SBF2: variants seen among roughly 807,000 people sequenced by gnomAD.
The protein encoded by SBF2 is SET binding factor 2.
A neutral mutation model predicts 225.2 loss-of-function variants in SBF2; 112 were observed. That is an observed-to-expected ratio of 0.50 (90% CI 0.43 to 0.58). The LOEUF (loss-of-function observed/expected upper bound fraction) is 0.58, where lower values mean the gene tolerates loss of function less well. SBF2 is among the 20% of genes least tolerant of loss of function. The pLI is 0.00. For missense variants in SBF2, 1,996 were observed against 2,206.2 expected, an observed-to-expected ratio of 0.90 and a Z score of 1.91; for synonymous variants, 763 against 773.3, an observed-to-expected ratio of 0.99 and a Z score of 0.22.
At chr11:10,050,111 A>C (rs182571924) in intron 2 of SBF2, among the ~76,000 whole-genome samples, 1 of 152,324 alleles carries the variant, frequency 6.6e-6, no homozygotes, top group East Asian at 1.9e-4. Context: ...TTAGCTAATC[A>C]CTAGGCTTGG....
Position 9,781,604 on chromosome 11 carries a change from C to A in SBF2, c.5354G>T (p.Cys1785Phe), listed in dbSNP as rs776497318. ...RYYDSGEDTS[C>F]KGHIDLAEVE... ...TTCAGCCAGATCAATGTGGCCTTTA[C>A]AGCTTGTGTCCTCACCTGAGTCATA... is the stretch of plus-strand genomic sequence containing the variant. The change falls in exon 39 of 40, where the codon TGT becomes TTT. Residue 1785 changes from cysteine to phenylalanine, a missense_variant. Physicochemically the swap from Cys to Phe is radical, Grantham distance 205. Transcript: ENST00000256190. 1 of 1,614,212 alleles carries A rather than the reference C, an allele frequency of 6.2e-7. No homozygotes were observed. Among genetic ancestry groups the A allele is most frequent in the Admixed American group, 1.7e-5 (1 of 60,032 alleles).
chr11:10,033,355 C>T (rs1371747959), intron 3 of SBF2, among the ~76,000 whole-genome samples: 1 of 151,922 alleles, frequency 6.6e-6, no homozygotes, highest in African/African-American at 2.4e-5. Flanking sequence ...TAACTTTGAC[C>T]AAAACACAAA....
intron 16 of SBF2, among the ~76,000 whole-genome samples, chr11:9,915,096 CAG>C (rs1862962221): frequency 6.6e-6 from 1 of 152,004 alleles, no homozygotes; most frequent in South Asian, 2.1e-4. Context: ...ATGAAATGGC[CAG>C]AGAGACAGAA....
At chr11:10,137,496 A>G (rs1802260048) in intron 2 of SBF2, among the ~76,000 whole-genome samples, 3 of 152,126 alleles carry the variant, frequency 2.0e-5, no homozygotes, top group Non-Finnish European at 4.4e-5. Context: ...AAAGCATTCA[A>G]TTTTTCACCA....
intron 16 of SBF2, among the ~76,000 whole-genome samples, chr11:9,898,465 G>T (rs1861452592): frequency 6.6e-6 from 1 of 152,170 alleles, no homozygotes; most frequent in African/African-American, 2.4e-5. Flanking sequence ...GAGCTCAGGA[G>T]TTCAAGACCA....
At chr11:10,029,652 T>C in intron 5 of SBF2, 113 bp downstream of exon 5, 1 of 866,354 alleles carries the variant, frequency 1.2e-6, no homozygotes, top group South Asian at 1.4e-5. Context: ...GGATCTTCCT[T>C]AAAACAAAAA....
At chr11:10,278,909 T>C (rs1368753972) in intron 1 of SBF2, among the ~76,000 whole-genome samples, 2 of 151,490 alleles carry the variant, frequency 1.3e-5, no homozygotes, top group African/African-American at 4.9e-5. Flanking sequence ...ACCTATAATA[T>C]ACAAATTAAC....
chr11:10,062,343 G>T (rs1486392213), intron 2 of SBF2, among the ~76,000 whole-genome samples: 3 of 152,086 alleles, frequency 2.0e-5, no homozygotes, highest in African/African-American at 7.2e-5. Flanking sequence ...GACAAATGGG[G>T]TCTAATTTAA....
intron 2 of SBF2, among the ~76,000 whole-genome samples, chr11:10,086,269 GCAAT>G (rs75725840): frequency 0.2 from 30,663 of 151,676 alleles, 3,867 homozygotes; most frequent in Non-Finnish European, 0.29. Flanking sequence ...TTTTTGGTGT[GCAAT>G]CAGTGATTGA....
At chr11:9,813,200 A>G (rs1200770357) in intron 29 of SBF2, among the ~76,000 whole-genome samples, 1 of 152,252 alleles carries the variant, frequency 6.6e-6, no homozygotes, top group African/African-American at 2.4e-5. Context: ...GTTTGTAGAT[A>G]TGCACATATT....
At chr11:10,110,176 T>C (rs141085706) in intron 2 of SBF2, among the ~76,000 whole-genome samples, 88 of 152,224 alleles carry the variant, frequency 5.8e-4, no homozygotes, top group African/African-American at 2.0e-3. Context: ...TAGATAAAAA[T>C]AGCAAAAAAG....
chr11:9,882,202 A>G (rs997215846), intron 17 of SBF2, among the ~76,000 whole-genome samples: 1 of 152,172 alleles, frequency 6.6e-6, no homozygotes, highest in African/African-American at 2.4e-5. Flanking sequence ...CATTTCAGAA[A>G]ATGTATCCTA....
chr11:10,041,297 A>G (rs1182558684), intron 3 of SBF2, among the ~76,000 whole-genome samples: 1 of 152,148 alleles, frequency 6.6e-6, no homozygotes, highest in Non-Finnish European at 1.5e-5. Flanking sequence ...TTTGTTGGCA[A>G]CATATATCCA....
chr11:9,881,975 G>A (rs1859801855), intron 17 of SBF2, among the ~76,000 whole-genome samples: 1 of 152,142 alleles, frequency 6.6e-6, no homozygotes. Flanking sequence ...GTGATAGAGT[G>A]AGACCTTGTG....
At chr11:10,176,362 G>A (rs1956463053) in intron 2 of SBF2, among the ~76,000 whole-genome samples, 1 of 151,744 alleles carries the variant, frequency 6.6e-6, no homozygotes, top group Admixed American at 6.6e-5. Flanking sequence ...GAAGGAAATA[G>A]AGACACAAAA....
At chr11:9,993,892 G>C in intron 10 of SBF2, 29 bp downstream of exon 10, 2 of 1,469,332 alleles carry the variant, frequency 1.4e-6, no homozygotes, top group Non-Finnish European at 1.9e-6. Context: ...CTCTTTAACA[G>C]CATTAAATTT....
intron 9 of SBF2, among the ~76,000 whole-genome samples, chr11:9,994,250 A>G (rs1010519472): frequency 6.6e-6 from 1 of 151,306 alleles, no homozygotes; most frequent in Non-Finnish European, 1.5e-5. Context: ...TGAGGCAGGC[A>G]GATCACGAGG....
At position 9,781,518 on chromosome 11, in the gene SBF2, C is replaced by G; in HGVS notation, c.5440G>C (p.Ala1814Pro). 2 of 1,614,208 alleles carry G rather than the reference C, an allele frequency of 1.2e-6. 1 individual carries two copies. The highest frequency in any genetic ancestry group is 2.2e-5 in the South Asian group (2 of 91,090). Residue 1814 changes from alanine (A) to proline (P), a missense_variant, in exon 39 of 40, where the codon GCT becomes CCT. Ala to Pro is a conservative substitution (Grantham distance 27). Coordinates refer to ENST00000256190, the MANE Select transcript of SBF2 (RefSeq NM_030962.4). Reference protein sequence around the residue: ...MGAPKHTSDKAFFDLKTSKRV... With the variant: ...MGAPKHTSDKPFFDLKTSKRV... ...TAAGATCAACTTACATCAAAGAAAG[C>G]CTTGTCACTTGTGTGCTTTGGGGCT... is the stretch of plus-strand genomic sequence containing the variant.
chr11:10,002,636 G>T lies in SBF2; in HGVS notation c.673C>A (p.Leu225Ile). Reference protein sequence around the residue: ...FCAVLTENKVLFHSASFQRLS... With the variant: ...FCAVLTENKVIFHSASFQRLS... ...CTCTGGAAACTTGCAGAATGGAAGA[G>T]AACCTTATTTTCTGTGAGGACTGCA... The change falls in exon 7 of 40, where the codon CTC becomes ATC. Residue 225 changes from leucine (L) to isoleucine (I), a missense_variant. Physicochemically the swap from Leu to Ile is conservative, Grantham distance 5 (BLOSUM62 2). Coordinates refer to ENST00000256190, the MANE Select transcript of SBF2 (RefSeq NM_030962.4). 6.2e-7 allele frequency: 1 copy of T among 1,612,840 alleles called. No homozygotes were observed.
Sources: allele counts gnomAD v4.1 joint callset (sites outside exome capture counted in the v4.1 genomes callset), GRCh38; gene constraint gnomAD v4.1.1; transcripts MANE v1.5; gene names NCBI Gene and HGNC (gene_info 2026-07-23, HGNC 2026-07-21).